The following GPC6 variants were observed in gnomAD, a reference collection of about 807,000 sequenced individuals.
GPC6 encodes glypican-6.
GPC6 carries 14 observed loss-of-function variants against 55.2 expected under a neutral mutation model. That is an observed-to-expected ratio of 0.25 (90% CI 0.17 to 0.40). The LOEUF (loss-of-function observed/expected upper bound fraction) is 0.40, where lower values mean the gene tolerates loss of function less well. GPC6 is among the 10% of genes least tolerant of loss of function. GPC6 has a pLI of 1.00. For missense variants in GPC6, 641 were observed against 708.5 expected, an observed-to-expected ratio of 0.90 and a Z score of 1.08; for synonymous variants, 278 against 259.6, an observed-to-expected ratio of 1.07 and a Z score of -0.68.
intron 8 of GPC6, among the ~76,000 whole-genome samples, chr13:94,399,367 T>C (rs1881030176): frequency 6.6e-6 from 1 of 152,242 alleles, no homozygotes; most frequent in African/African-American, 2.4e-5. Context: ...TGGAAGACTA[T>C]TAAGTGAACA....
Position 93,734,901 on chromosome 13 carries a change from G to C in GPC6, c.320-95253G>C, listed in dbSNP as rs1232240060. On this transcript the variant is annotated intron_variant, in intron 2 of 8. Transcript: ENST00000377047. ...TTTGAAATCTTCCTGAAATACAGTAGATAATAAATAAAGTACTAAATTATA... is the reference window on the plus strand; with the variant it reads ...TTTGAAATCTTCCTGAAATACAGTACATAATAAATAAAGTACTAAATTATA... Among the ~76,000 whole-genome samples the C allele has an allele frequency of 4.6e-5, 7 of 151,970 alleles. No homozygotes were observed. The South Asian group carries it at 6.2e-4, about 14-fold the overall frequency.
intron 3 of GPC6, among the ~76,000 whole-genome samples, chr13:93,967,784 A>C (rs1019882854): frequency 2.0e-5 from 3 of 152,212 alleles, no homozygotes; most frequent in African/African-American, 7.2e-5. Context: ...TATGTGTTCT[A>C]AATTTTCTTA....
At chr13:93,645,545 A>G (rs1205049913) in intron 2 of GPC6, among the ~76,000 whole-genome samples, 3 of 152,152 alleles carry the variant, frequency 2.0e-5, no homozygotes, top group Non-Finnish European at 2.9e-5. Context: ...GAACATGCCT[A>G]TGCAAGGCCC....
intron 4 of GPC6, among the ~76,000 whole-genome samples, chr13:94,270,027 A>G (rs1282004342): frequency 2.0e-5 from 3 of 151,094 alleles, no homozygotes; most frequent in Admixed American, 6.6e-5. Context: ...TAAAACCTAA[A>G]AGTTTAAATC....
intron 6 of GPC6, among the ~76,000 whole-genome samples, chr13:94,363,823 C>T (rs1879166968): frequency 6.6e-6 from 1 of 152,168 alleles, no homozygotes; most frequent in South Asian, 2.1e-4. Context: ...CAATGTGTGA[C>T]TATTGAGCAA....
chr13:93,506,458 A>G (rs183545582), intron 1 of GPC6, among the ~76,000 whole-genome samples: 137 of 152,328 alleles, frequency 9.0e-4, no homozygotes, highest in African/African-American at 3.0e-3. Context: ...CCGGAAGTCA[A>G]AAGGAAGAGG....
intron 6 of GPC6, among the ~76,000 whole-genome samples, chr13:94,312,713 C>G (rs1189925338): frequency 1.7e-5 from 2 of 120,882 alleles, no homozygotes; most frequent in East Asian, 2.3e-4. Flanking sequence ...CACACGCACA[C>G]GCGCACGCAC....
At chr13:93,341,828 A>G (rs1010991094) in intron 1 of GPC6, among the ~76,000 whole-genome samples, 8 of 151,516 alleles carry the variant, frequency 5.3e-5, no homozygotes, top group African/African-American at 1.9e-4. Flanking sequence ...AATGTCCAGA[A>G]GATTTTTTTC....
chr13:93,832,962 G>C (rs1257685577), intron 3 of GPC6, among the ~76,000 whole-genome samples: 1 of 152,024 alleles, frequency 6.6e-6, no homozygotes, highest in Non-Finnish European at 1.5e-5. Context: ...GCAGATATTG[G>C]CTTGTTTGAC....
At chr13:93,276,453 C>T (rs1475037764) in intron 1 of GPC6, among the ~76,000 whole-genome samples, 3 of 134,030 alleles carry the variant, frequency 2.2e-5, no homozygotes, top group Non-Finnish European at 4.7e-5. Context: ...AAGCTCTGGC[C>T]TTTTCAGAGA....
At chr13:93,799,997 C>T (rs1886319950) in intron 2 of GPC6, among the ~76,000 whole-genome samples, 1 of 143,088 alleles carries the variant, frequency 7.0e-6, no homozygotes, top group Non-Finnish European at 1.5e-5. Context: ...CATCATCCTT[C>T]AACTCATGGA....
intron 4 of GPC6, among the ~76,000 whole-genome samples, chr13:94,244,166 G>A (rs1891133026): frequency 6.6e-6 from 1 of 151,974 alleles, no homozygotes; most frequent in African/African-American, 2.4e-5. Context: ...TGTGTGCCAG[G>A]GGGCAAAGAG....
Position 93,439,857 on chromosome 13 carries a change from A to C in GPC6, c.161-105406A>C, listed in dbSNP as rs575491150. On this transcript the variant is annotated intron_variant, in intron 1 of 8. Transcript: ENST00000377047. ...TTGTACCTTCTTGTCATCATTTCCTAAGTACGTGTCCCTAAAAGCATTGTT... is the reference window on the plus strand; with the variant it reads ...TTGTACCTTCTTGTCATCATTTCCTCAGTACGTGTCCCTAAAAGCATTGTT... 4.6e-5 allele frequency among the ~76,000 whole-genome samples: 7 copies of C among 152,184 alleles called. No homozygotes were observed. In the South Asian group the frequency reaches 1.5e-3, roughly 32 times the overall value.
intron 2 of GPC6, among the ~76,000 whole-genome samples, chr13:93,809,244 G>A (rs898429677): frequency 6.6e-6 from 1 of 152,138 alleles, no homozygotes; most frequent in Non-Finnish European, 1.5e-5. Context: ...ATAAAGGATA[G>A]AGTTCCCAGG....
intron 2 of GPC6, among the ~76,000 whole-genome samples, chr13:93,551,450 G>A (rs142467583): frequency 8.4e-4 from 128 of 152,194 alleles, no homozygotes; most frequent in African/African-American, 2.7e-3. Context: ...GAGTCATTTT[G>A]TTCTGGTCTG....
At chr13:94,031,549 G>A (rs934966305) in intron 4 of GPC6, among the ~76,000 whole-genome samples, 5 of 151,702 alleles carry the variant, frequency 3.3e-5, no homozygotes, top group Admixed American at 6.6e-5. Flanking sequence ...TATGCAGTGC[G>A]GTAGGAGAAA....
At chr13:93,486,837 T>C (rs761284920) in intron 1 of GPC6, among the ~76,000 whole-genome samples, 4 of 151,496 alleles carry the variant, frequency 2.6e-5, no homozygotes, top group Non-Finnish European at 5.9e-5. Context: ...CCCAGCTATT[T>C]GGGAGCCTGA....
chr13:94,397,506 C>T (rs933324515), intron 7 of GPC6, among the ~76,000 whole-genome samples: 1 of 152,112 alleles, frequency 6.6e-6, no homozygotes, highest in Non-Finnish European at 1.5e-5. Flanking sequence ...TAATCGAACC[C>T]AAGATTCTAT....
At chr13:93,743,670 G>T (rs1308031399) in intron 2 of GPC6, among the ~76,000 whole-genome samples, 1 of 151,772 alleles carries the variant, frequency 6.6e-6, no homozygotes, top group African/African-American at 2.4e-5. Context: ...TATATTTATT[G>T]TTCCTTTCAT....
Sources: gnomAD v4.1 joint callset for allele counts (sites outside exome capture counted in the v4.1 genomes callset) on GRCh38, gnomAD v4.1.1 for gene constraint, MANE v1.5 for transcripts, NCBI Gene and HGNC (gene_info 2026-07-23, HGNC 2026-07-21) for gene names.